The following LRRFIP1 variants were observed in gnomAD, a reference collection of about 807,000 sequenced individuals.
LRRFIP1 encodes the protein LRR binding FLII interacting protein 1, also known as leucine-rich repeat flightless-interacting protein 1.
A neutral mutation model predicts 104.4 loss-of-function variants in LRRFIP1; 62 were observed. The observed-to-expected ratio is 0.59, with a 90% CI of 0.48 to 0.73. The LOEUF (loss-of-function observed/expected upper bound fraction) is 0.73, where lower values mean the gene tolerates loss of function less well. Ranked by LOEUF, LRRFIP1 falls within the 30% of genes least tolerant of loss-of-function variation. The probability of loss-of-function intolerance (pLI) is 0.00; values close to 1 mark genes in which losing one functional copy is unlikely to be tolerated. For synonymous variants in LRRFIP1, 300 were observed against 299.0 expected, an observed-to-expected ratio of 1.00 and a Z score of -0.03; for missense variants, 796 against 824.5, an observed-to-expected ratio of 0.97 and a Z score of 0.42.
chr2:237,646,823 G>A (rs1176986304), intron 1 of LRRFIP1, among the ~76,000 whole-genome samples: 1 of 152,114 alleles, frequency 6.6e-6, no homozygotes, highest in East Asian at 1.9e-4. Flanking sequence ...GCTCTGAGAA[G>A]ATACATTTCT....
intron 19 of LRRFIP1, chr2:237,762,659 G>A: frequency 6.2e-7 from 1 of 1,611,904 alleles, no homozygotes; most frequent in Middle Eastern, 1.7e-4. Context: ...GGGGAAAAGA[G>A]AAATCTTGCA....
chr2:237,778,070 C>T (rs2061241549), intron 23 of LRRFIP1, among the ~76,000 whole-genome samples: 1 of 152,200 alleles, frequency 6.6e-6, no homozygotes, highest in Non-Finnish European at 1.5e-5. Context: ...TATCTGACAA[C>T]TGAAACATGC....
intron 14 of LRRFIP1, among the ~76,000 whole-genome samples, chr2:237,752,990 G>T (rs556757959): frequency 6.6e-6 from 1 of 152,206 alleles, no homozygotes; most frequent in Non-Finnish European, 1.5e-5. Flanking sequence ...GTGCTGGGGG[G>T]ATTCCCCAGC....
At chr2:237,635,018 A>T (rs2082890973) in intron 1 of LRRFIP1, among the ~76,000 whole-genome samples, 1 of 152,104 alleles carries the variant, frequency 6.6e-6, no homozygotes, top group African/African-American at 2.4e-5. Flanking sequence ...CCATTCTGAG[A>T]ATTTCTTTTA....
chr2:237,627,611 A>C lies in LRRFIP1; in HGVS notation c.-34A>C, dbSNP rs2081732154. 10 of 1,212,040 alleles carry C rather than the reference A, an allele frequency of 8.3e-6. No individual in the cohort carries two copies. In the East Asian group the frequency reaches 2.0e-4, roughly 25 times the overall value. The allele number at this position is 1,212,040 out of a possible 1,614,324, so 75.1% of individuals were successfully genotyped here. A position where few individuals can be genotyped will look rare whatever the true frequency, so the allele number is the denominator to read the frequency against. On this transcript the variant is annotated 5_prime_UTR_variant, in exon 1 of 24. Coordinates refer to ENST00000308482, the MANE Select transcript of LRRFIP1 (RefSeq NM_001137550.2). ...CGGGGCGGCGCGAGCGGCTGGAGCAACGGGCCCCGCGGCAGCTGCGGGCGA... is the reference window on the plus strand; with the variant it reads ...CGGGGCGGCGCGAGCGGCTGGAGCACCGGGCCCCGCGGCAGCTGCGGGCGA...
intron 1 of LRRFIP1, among the ~76,000 whole-genome samples, chr2:237,687,380 G>T (rs1161383141): frequency 6.6e-6 from 1 of 152,026 alleles, no homozygotes; most frequent in African/African-American, 2.4e-5. Flanking sequence ...TGAGGCGGGT[G>T]GTTCACTTGA....
In LRRFIP1 at chr2:237,735,849, C is replaced by T. The variant is rs879276502; in HGVS notation, c.555+516C>T. On this transcript the variant is annotated intron_variant, in intron 10 of 23. Transcript: ENST00000308482. The surrounding 1 kb of genome is among the most constrained non-coding windows in gnomAD (Gnocchi z 4.6). ...CACCATAAACATTTGTGAATGAATG[C>T]GTGAGAAAAGCAACAAGGTAGAAAA... Among the ~76,000 whole-genome samples, 7 of 152,082 alleles carry T rather than the reference C, an allele frequency of 4.6e-5. No homozygotes were observed. The highest frequency in any genetic ancestry group is 9.7e-5 in the African/African-American group (4 of 41,408).
chr2:237,646,234 A>T (rs1396340622), intron 1 of LRRFIP1, among the ~76,000 whole-genome samples: 3 of 152,100 alleles, frequency 2.0e-5, no homozygotes, highest in Middle Eastern at 3.4e-3. Flanking sequence ...AAAAAAATAT[A>T]TATGTATTAC....
chr2:237,779,257 C>T, intron 23 of LRRFIP1, 165 bp from the exon 24 acceptor site: 1 of 740,584 alleles, frequency 1.4e-6, no homozygotes, highest in Non-Finnish European at 1.6e-6. Context: ...AGGGTGTTCC[C>T]TCTCTGGAGT....
chr2:237,667,516 T>C (rs1305635861), intron 1 of LRRFIP1, among the ~76,000 whole-genome samples: 1 of 152,240 alleles, frequency 6.6e-6, no homozygotes, highest in African/African-American at 2.4e-5. Context: ...GCAGTAAACA[T>C]ACGTGTGCAC....
chr2:237,774,275 A>G, intron 22 of LRRFIP1, 83 bp from the exon 23 acceptor site: 1 of 788,220 alleles, frequency 1.3e-6, no homozygotes, highest in Non-Finnish European at 2.1e-6. Context: ...ATTAAATCAC[A>G]CTCTTTGATC....
At chr2:237,728,772 G>A (rs13415411) in intron 8 of LRRFIP1, among the ~76,000 whole-genome samples, 10,688 of 151,534 alleles carry the variant, frequency 0.071, 899 homozygotes, top group African/African-American at 0.21. Flanking sequence ...TCATGTGTAT[G>A]CTTAAATTAT....
intron 1 of LRRFIP1, among the ~76,000 whole-genome samples, chr2:237,693,297 C>G (rs1012808405): frequency 6.6e-6 from 1 of 152,178 alleles, no homozygotes; most frequent in Admixed American, 6.5e-5. Context: ...AGTATGAGCC[C>G]CAAACAATCA....
intron 7 of LRRFIP1, among the ~76,000 whole-genome samples, chr2:237,725,202 T>C (rs148427423): frequency 9.7e-4 from 148 of 152,334 alleles, no homozygotes; most frequent in Middle Eastern, 3.4e-3. Flanking sequence ...AGAGTGCCTG[T>C]TCCTGAGCCC....
intron 19 of LRRFIP1, chr2:237,763,223 G>A (rs2060044334): frequency 1.2e-6 from 2 of 1,613,986 alleles, no homozygotes; most frequent in African/African-American, 1.3e-5. Context: ...AGAAGAGGGT[G>A]AAGAAACAGG....
chr2:237,662,042 A>G (rs1287896621), intron 1 of LRRFIP1, among the ~76,000 whole-genome samples: 1 of 152,146 alleles, frequency 6.6e-6, no homozygotes, highest in Non-Finnish European at 1.5e-5. Flanking sequence ...AGTTCCGGAG[A>G]CCGGAAGTCC....
At chr2:237,705,531 C>T (rs1040898215) in intron 1 of LRRFIP1, among the ~76,000 whole-genome samples, 2 of 152,050 alleles carry the variant, frequency 1.3e-5, no homozygotes, top group Non-Finnish European at 2.9e-5. Flanking sequence ...GGTGTGGTGG[C>T]ACCTGCCCTG....
intron 2 of LRRFIP1, among the ~76,000 whole-genome samples, chr2:237,709,657 A>G (rs961610015): frequency 2.0e-5 from 3 of 152,172 alleles, no homozygotes; most frequent in African/African-American, 7.2e-5. Context: ...GCCCTGCCAC[A>G]GGTCTAATGT....
chr2:237,720,595 C>T (rs1468445804), intron 5 of LRRFIP1, among the ~76,000 whole-genome samples, 177 bp from the exon 6 acceptor site: 1 of 152,204 alleles, frequency 6.6e-6, no homozygotes, highest in African/African-American at 2.4e-5. Context: ...CAGAGATCCA[C>T]AAAGCCCATG....
Sources: allele counts gnomAD v4.1 joint callset (sites outside exome capture counted in the v4.1 genomes callset), GRCh38; gene constraint gnomAD v4.1.1; non-coding constraint Gnocchi (gnomAD v3.1); transcripts MANE v1.5; gene names NCBI Gene and HGNC (gene_info 2026-07-23, HGNC 2026-07-21).